PARD3: variants seen among roughly 807,000 people sequenced by gnomAD.
PARD3 encodes par-3 family cell polarity regulator.
In PARD3, 75 loss-of-function variants were observed where a neutral mutation model predicts 155.4. That is an observed-to-expected ratio of 0.48 (90% CI 0.40 to 0.58). The LOEUF (loss-of-function observed/expected upper bound fraction) is 0.58. Among genes scored for constraint, PARD3 ranks in the 20% least tolerant of loss-of-function variants. The probability of loss-of-function intolerance (pLI) is 0.00; values close to 1 mark genes in which losing one functional copy is unlikely to be tolerated. For synonymous variants in PARD3, 576 were observed against 610.5 expected (o/e 0.94, Z 0.83); for missense variants, 1,642 against 1,721.7 (o/e 0.95, Z 0.82).
intron 20 of PARD3, among the ~76,000 whole-genome samples, chr10:34,316,132 T>TA: frequency 6.6e-6 from 1 of 152,336 alleles, no homozygotes; most frequent in South Asian, 2.1e-4. Flanking sequence ...AAAAAGTTTT[T>TA]AAAAAGAGGG....
At chr10:34,705,287 G>T (rs1464935272) in intron 1 of PARD3, among the ~76,000 whole-genome samples, 2 of 152,046 alleles carry the variant, frequency 1.3e-5, no homozygotes, top group African/African-American at 4.8e-5. Flanking sequence ...CAATGTAGGG[G>T]GACCCCATCT....
intron 5 of PARD3, among the ~76,000 whole-genome samples, chr10:34,440,481 A>G (rs1487376883): frequency 6.6e-6 from 1 of 152,218 alleles, no homozygotes; most frequent in Non-Finnish European, 1.5e-5. Context: ...AGGCACCTGA[A>G]GGTCAAAGTT....
At chr10:34,234,562 CA>C (rs1953114243) in intron 22 of PARD3, among the ~76,000 whole-genome samples, 1 of 152,192 alleles carries the variant, frequency 6.6e-6, no homozygotes, top group Non-Finnish European at 1.5e-5. Context: ...CCCTTCTCTG[CA>C]TGAATGACTT....
intron 5 of PARD3, among the ~76,000 whole-genome samples, chr10:34,436,918 G>A (rs1014879568): frequency 7.9e-5 from 12 of 152,156 alleles, no homozygotes; most frequent in Admixed American, 5.2e-4. Context: ...CCATTTGAAA[G>A]GAGCCACAAG....
intron 21 of PARD3, 53 bp downstream of exon 21, chr10:34,284,080 GAA>G (rs888023390): frequency 4.9e-5 from 37 of 761,612 alleles, no homozygotes; most frequent in Admixed American, 9.1e-5. Flanking sequence ...AAAGTAGAAA[GAA>G]AAAAAAAAAG....
At chr10:34,566,624 ATG>A (rs1298061856) in intron 2 of PARD3, among the ~76,000 whole-genome samples, 2 of 152,258 alleles carry the variant, frequency 1.3e-5, no homozygotes, top group East Asian at 1.9e-4. Context: ...GGTTTTAAAT[ATG>A]TGAGTTTTTT....
At chr10:34,464,218 A>G (rs1027127119) in intron 4 of PARD3, among the ~76,000 whole-genome samples, 2 of 152,044 alleles carry the variant, frequency 1.3e-5, no homozygotes, top group African/African-American at 4.8e-5. Context: ...GGTGTGAGTA[A>G]TGCCTGTGTT....
intron 2 of PARD3, among the ~76,000 whole-genome samples, chr10:34,654,391 G>T (rs1293964509): frequency 6.6e-6 from 1 of 152,250 alleles, no homozygotes; most frequent in Admixed American, 6.5e-5. Flanking sequence ...CTTGCCCAAG[G>T]TCACACAGCC....
At chr10:34,217,023 G>A (rs576172422) in intron 22 of PARD3, among the ~76,000 whole-genome samples, 5 of 152,316 alleles carry the variant, frequency 3.3e-5, no homozygotes, top group East Asian at 1.9e-4. Flanking sequence ...GACTTCTGTG[G>A]TTATGAAACC....
intron 21 of PARD3, among the ~76,000 whole-genome samples, chr10:34,271,965 G>C (rs1955631634): frequency 6.6e-6 from 1 of 152,144 alleles, no homozygotes; most frequent in African/African-American, 2.4e-5. Flanking sequence ...AAAACACACA[G>C]ATACACATCT....
intron 22 of PARD3, among the ~76,000 whole-genome samples, chr10:34,205,815 T>A (rs936768606): frequency 8.5e-5 from 13 of 152,194 alleles, no homozygotes; most frequent in Non-Finnish European, 1.8e-4. Flanking sequence ...TTGTTCCTGC[T>A]GTGGCCATTG....
chr10:34,545,747 G>A (rs552426876), intron 2 of PARD3, among the ~76,000 whole-genome samples: 9 of 152,010 alleles, frequency 5.9e-5, no homozygotes, highest in Non-Finnish European at 7.4e-5. Flanking sequence ...TATTAGAGAC[G>A]GGGTTTCACC....
At chr10:34,206,935 A>T (rs932959392) in intron 22 of PARD3, among the ~76,000 whole-genome samples, 3 of 152,122 alleles carry the variant, frequency 2.0e-5, no homozygotes, top group African/African-American at 7.2e-5. Context: ...GCCAGAGAAA[A>T]GCAGTATCAC....
At chr10:34,215,904 C>T (rs1409256057) in intron 22 of PARD3, among the ~76,000 whole-genome samples, 2 of 152,232 alleles carry the variant, frequency 1.3e-5, no homozygotes, top group South Asian at 2.1e-4. Flanking sequence ...CGGGTGGTGA[C>T]ATTTGTGGTT....
intron 20 of PARD3, among the ~76,000 whole-genome samples, chr10:34,292,313 C>T (rs1219372868): frequency 6.6e-6 from 1 of 152,176 alleles, no homozygotes; most frequent in Non-Finnish European, 1.5e-5. Context: ...ATATGTCCTT[C>T]CTGTACAGGA....
At chr10:34,620,782 A>G (rs961067875) in intron 2 of PARD3, among the ~76,000 whole-genome samples, 10 of 152,222 alleles carry the variant, frequency 6.6e-5, no homozygotes, top group African/African-American at 2.4e-4. Flanking sequence ...CTAACAATGA[A>G]CCAGCTCTCA....
chr10:34,442,987 T>TTC (rs2076545389), intron 5 of PARD3, among the ~76,000 whole-genome samples: 1 of 152,164 alleles, frequency 6.6e-6, no homozygotes, highest in African/African-American at 2.4e-5. Context: ...TTTTTTTTTT[T>TTC]CACTTAGAAA....
intron 2 of PARD3, among the ~76,000 whole-genome samples, chr10:34,628,785 G>A (rs2092115785): frequency 6.6e-6 from 1 of 152,052 alleles, no homozygotes; most frequent in East Asian, 1.9e-4. Context: ...TGAAAAACTG[G>A]AAAACAACCA....
rs758411941 is a variant in PARD3, at chr10:34,382,905, C to T, written c.1034G>A (p.Arg345His). 3.2e-5 allele frequency: 52 copies of T among 1,613,256 alleles called. No homozygotes were observed. Among genetic ancestry groups the T allele is most frequent in the Non-Finnish European group, 4.1e-5 (48 of 1,179,740 alleles). ...RRFEQAQHMF[R>H]QAMRTPIIWF... ...AATGATGGGTGTACGCATGGCTTGG[C>T]GAAACATATGTTGTGCTCTGGGTTT... The change falls in exon 9 of 25, where the codon CGC becomes CAC. Residue 345 changes from arginine to histidine, a missense_variant. Transcript: ENST00000374788.
Sources: gnomAD v4.1 joint callset for allele counts (sites outside exome capture counted in the v4.1 genomes callset) on GRCh38, gnomAD v4.1.1 for gene constraint, MANE v1.5 for transcripts, NCBI Gene and HGNC (gene_info 2026-07-23, HGNC 2026-07-21) for gene names.